CDKAL1: variants seen among roughly 807,000 people sequenced by gnomAD.
The protein encoded by CDKAL1 is CDKAL1 threonylcarbamoyladenosine tRNA methylthiotransferase, also known as threonylcarbamoyladenosine tRNA methylthiotransferase.
Under a neutral mutation model 68.2 loss-of-function variants are expected in CDKAL1, and 32 were observed. The observed-to-expected ratio is 0.47, with a 90% CI of 0.35 to 0.63. The LOEUF is 0.63. Ranked by LOEUF, CDKAL1 falls within the 30% of genes least tolerant of loss-of-function variation. The pLI is 0.00. For synonymous variants in CDKAL1, 234 were observed against 244.3 expected, an observed-to-expected ratio of 0.96 and a Z score of 0.39; for missense variants, 606 against 696.7, an observed-to-expected ratio of 0.87 and a Z score of 1.47.
At chr6:20,709,107 G>C (rs1771731508) in intron 5 of CDKAL1, among the ~76,000 whole-genome samples, 1 of 150,924 alleles carries the variant, frequency 6.6e-6, no homozygotes, top group Non-Finnish European at 1.5e-5. Flanking sequence ...GAAGTGTGCT[G>C]AGTGTCTAAC....
chr6:21,189,134 A>G (rs1336471250), intron 13 of CDKAL1, among the ~76,000 whole-genome samples: 2 of 152,202 alleles, frequency 1.3e-5, no homozygotes, highest in African/African-American at 2.4e-5. Flanking sequence ...AAGAAAACCA[A>G]CCAGCGTGAA....
At chr6:20,686,231 A>G (rs748996484) in intron 5 of CDKAL1, among the ~76,000 whole-genome samples, 1 of 152,040 alleles carries the variant, frequency 6.6e-6, no homozygotes, top group Non-Finnish European at 1.5e-5. Flanking sequence ...AGGGTCCCCA[A>G]CCCCTGGGCC....
At chr6:20,801,629 A>G (rs995781080) in intron 8 of CDKAL1, among the ~76,000 whole-genome samples, 8 of 152,226 alleles carry the variant, frequency 5.3e-5, no homozygotes, top group Admixed American at 3.9e-4. Context: ...TGGAATATAT[A>G]CATCTTAAGA....
At chr6:21,181,727 A>G (rs973580343) in intron 13 of CDKAL1, among the ~76,000 whole-genome samples, 5 of 152,340 alleles carry the variant, frequency 3.3e-5, no homozygotes, top group Middle Eastern at 3.4e-3. Context: ...TGTATTTTAT[A>G]TGTTGTAACC....
At chr6:20,568,753 A>AAAAAAAAAAC (rs1561931956) in intron 4 of CDKAL1, among the ~76,000 whole-genome samples, 33 of 127,502 alleles carry the variant, frequency 2.6e-4, no homozygotes, top group East Asian at 6.4e-4. Flanking sequence ...AAAAAAAACA[A>AAAAAAAAAAC]AAAAACAAAA....
At chr6:21,229,796 C>T (rs1582459733) in intron 15 of CDKAL1, among the ~76,000 whole-genome samples, 2 of 152,238 alleles carry the variant, frequency 1.3e-5, no homozygotes, top group East Asian at 3.9e-4. Context: ...AGCAGGTACA[C>T]GAGGTGAAAA....
chr6:20,660,954 A>G (rs1769258408), intron 5 of CDKAL1, among the ~76,000 whole-genome samples: 1 of 152,122 alleles, frequency 6.6e-6, no homozygotes. Context: ...TACACCAGAT[A>G]TACCACCAAA....
chr6:20,823,726 T>A (rs1473570869), intron 8 of CDKAL1, among the ~76,000 whole-genome samples: 2 of 152,192 alleles, frequency 1.3e-5, no homozygotes, highest in Non-Finnish European at 2.9e-5. Flanking sequence ...GGTGAACAAT[T>A]ATTTGAGAAC....
chr6:20,939,153 T>C (rs1019244052), intron 9 of CDKAL1, among the ~76,000 whole-genome samples: 1 of 152,186 alleles, frequency 6.6e-6, no homozygotes, highest in African/African-American at 2.4e-5. Context: ...GCTTTCGTTC[T>C]ATTTGGGGGT....
At chr6:20,827,892 G>A (rs1777564841) in intron 8 of CDKAL1, among the ~76,000 whole-genome samples, 1 of 151,952 alleles carries the variant, frequency 6.6e-6, no homozygotes, top group Admixed American at 6.6e-5. Context: ...CATTCACTTA[G>A]AGTATCAAAA....
At chr6:21,175,945 G>C (rs1280232234) in intron 13 of CDKAL1, among the ~76,000 whole-genome samples, 2 of 152,234 alleles carry the variant, frequency 1.3e-5, no homozygotes, top group Non-Finnish European at 2.9e-5. Context: ...TTTAGAGCTT[G>C]GCCTTTGGAG....
At chr6:21,024,451 C>T (rs1195530641) in intron 11 of CDKAL1, among the ~76,000 whole-genome samples, 1 of 151,814 alleles carries the variant, frequency 6.6e-6, no homozygotes, top group African/African-American at 2.4e-5. Context: ...AACTCAAGAC[C>T]AGCCTGGGCA....
intron 9 of CDKAL1, among the ~76,000 whole-genome samples, chr6:20,895,578 A>G (rs1761636789): frequency 6.6e-6 from 1 of 152,224 alleles, no homozygotes; most frequent in Admixed American, 6.5e-5. Flanking sequence ...GGACATGAAT[A>G]CAGATGCATT....
intron 9 of CDKAL1, among the ~76,000 whole-genome samples, chr6:20,848,205 C>T (rs1778446489): frequency 6.6e-6 from 1 of 152,104 alleles, no homozygotes; most frequent in South Asian, 2.1e-4. Flanking sequence ...TTCAATTTGC[C>T]ATCTGCCCTG....
intron 9 of CDKAL1, among the ~76,000 whole-genome samples, chr6:20,906,283 A>T (rs1469350932): frequency 1.3e-5 from 2 of 152,070 alleles, no homozygotes; most frequent in African/African-American, 2.4e-5. Flanking sequence ...ATAAAGGTAT[A>T]ATTTTGTAAC....
chr6:20,983,951 C>T (rs1421389648), intron 10 of CDKAL1, among the ~76,000 whole-genome samples: 1 of 152,150 alleles, frequency 6.6e-6, no homozygotes, highest in Non-Finnish European at 1.5e-5. Context: ...GAATGATGCT[C>T]TTGTGAGAGA....
At chr6:20,679,486 A>G (rs765653564) in intron 5 of CDKAL1, among the ~76,000 whole-genome samples, 1 of 152,128 alleles carries the variant, frequency 6.6e-6, no homozygotes, top group Non-Finnish European at 1.5e-5. Context: ...TTAGATCTAC[A>G]GTTATGTAGC....
intron 8 of CDKAL1, among the ~76,000 whole-genome samples, chr6:20,811,687 G>T (rs979784656): frequency 6.6e-6 from 1 of 151,510 alleles, no homozygotes; most frequent in Non-Finnish European, 1.5e-5. Flanking sequence ...TCATAACAGG[G>T]TCTCATGTCT....
intron 8 of CDKAL1, among the ~76,000 whole-genome samples, chr6:20,810,627 G>T (rs1296165394): frequency 7.4e-6 from 1 of 134,766 alleles, no homozygotes; most frequent in Non-Finnish European, 1.6e-5. Flanking sequence ...TGTATGTATG[G>T]GTGTGTGTGT....
Sources: allele counts gnomAD v4.1 joint callset (sites outside exome capture counted in the v4.1 genomes callset), GRCh38; gene constraint gnomAD v4.1.1; transcripts MANE v1.5; gene names NCBI Gene and HGNC (gene_info 2026-07-23, HGNC 2026-07-21).